The following NUP58 variants were observed in gnomAD, a reference collection of about 807,000 sequenced individuals.
The protein encoded by NUP58 is nucleoporin 58.
A neutral mutation model predicts 70.1 loss-of-function variants in NUP58; 17 were observed. The ratio of observed to expected loss-of-function variants is 0.24; its 90% CI spans 0.17 to 0.36. NUP58 has a LOEUF of 0.36. Among genes scored for constraint, NUP58 ranks in the 10% least tolerant of loss-of-function variants. NUP58 has a pLI of 1.00. For synonymous variants in NUP58, 275 were observed against 257.6 expected (o/e 1.07, Z -0.65); for missense variants, 644 against 701.5 (o/e 0.92, Z 0.93).
downstream of NUP58, among the ~76,000 whole-genome samples, chr13:25,345,785 G>A (rs2032042111): frequency 6.6e-6 from 1 of 151,254 alleles, no homozygotes; most frequent in Non-Finnish European, 1.5e-5. Context: ...AAGCTCAAGA[G>A]AACCAGGGAG....
At position 25,327,833 on chromosome 13, in the gene NUP58, A is replaced by G. The variant is rs76456412; in HGVS notation, c.1233+321A>G. 7.1e-3 allele frequency among the ~76,000 whole-genome samples: 1,079 copies of G among 152,236 alleles called. 17 individuals are homozygous for G. Among genetic ancestry groups the G allele is most frequent in the African/African-American group, 0.024 (981 of 41,526 alleles). ...ATAGGAGTTTGTTGTATGGTTGTAC[A>G]TTGTTTAACCCATTTTCTGTTGGAT... is the stretch of plus-strand genomic sequence containing the variant. On this transcript the variant is annotated intron_variant, in intron 12 of 15. Coordinates refer to ENST00000381736, the MANE Select transcript of NUP58 (RefSeq NM_014089.4).
chr13:25,319,309 C>G lies in NUP58; in HGVS notation c.686-17C>G, dbSNP rs1339133446. 3 of 1,611,106 alleles carry G rather than the reference C, an allele frequency of 1.9e-6. No individual in the cohort carries two copies. Among genetic ancestry groups the G allele is most frequent in the Non-Finnish European group, 8.5e-7 (1 of 1,177,832 alleles). On this transcript the variant is annotated splice_polypyrimidine_tract_variant and intron_variant, in intron 6 of 15. Transcript: ENST00000381736. ...AATTACCAATTTTTTTTACGTGAAG[C>G]TTCTTGAATTTTCTAGGTGATAAAA...
intron 15 of NUP58, 40 bp downstream of exon 15, chr13:25,338,771 G>T: frequency 1.3e-6 from 2 of 1,504,182 alleles, no homozygotes; most frequent in Non-Finnish European, 1.8e-6. Context: ...AAATTTAAAG[G>T]TGTAAATTAT....
At chr13:25,303,296 C>T (rs1361592298) in intron 1 of NUP58, 16 of 359,192 alleles carry the variant, frequency 4.5e-5, no homozygotes, top group East Asian at 7.3e-5. Flanking sequence ...TCATCTTGAG[C>T]GGGACTCATC....
intron 6 of NUP58, among the ~76,000 whole-genome samples, chr13:25,319,027 A>G (rs1405693615): frequency 6.6e-6 from 1 of 152,156 alleles, no homozygotes; most frequent in Non-Finnish European, 1.5e-5. Flanking sequence ...ATGTGTACAG[A>G]TGTCTTCATA....
intron 9 of NUP58, among the ~76,000 whole-genome samples, chr13:25,324,379 T>G (rs1396267204): frequency 6.6e-6 from 1 of 152,156 alleles, no homozygotes; most frequent in Non-Finnish European, 1.5e-5. Context: ...TGAAAAAACA[T>G]TGGCTGGAAT....
chr13:25,346,376 C>T (rs544044739), downstream of NUP58, among the ~76,000 whole-genome samples: 5 of 152,166 alleles, frequency 3.3e-5, no homozygotes, highest in South Asian at 1.0e-3. Flanking sequence ...TCTATGTAGG[C>T]TTTTAACTTT....
Position 25,342,336 on chromosome 13 carries a change from T to C in NUP58, c.*2202T>C, listed in dbSNP as rs2031982436. On this transcript the variant is annotated 3_prime_UTR_variant, in exon 16 of 16. Transcript: ENST00000381736. ...GATTAATTTGTTATAGGAGTTTAAA[T>C]GTGTTGTCATTGTCTCCATTGTCTT... 1 of 152,648 alleles carries C rather than the reference T, an allele frequency of 6.6e-6. No individual in the cohort carries two copies. The highest frequency in any genetic ancestry group is 1.9e-4 in the East Asian group (1 of 5,196). 9.5% of individuals were successfully genotyped at this position (152,648 alleles called of 1,614,324 possible).
intron 7 of NUP58, 75 bp downstream of exon 7, chr13:25,319,425 A>C: frequency 7.3e-7 from 1 of 1,362,368 alleles, no homozygotes; most frequent in African/African-American, 1.4e-5. Context: ...AGATGGTATA[A>C]TTGAAAGTAA....
At chr13:25,318,333 T>C (rs936035054) in intron 6 of NUP58, among the ~76,000 whole-genome samples, 13 of 149,522 alleles carry the variant, frequency 8.7e-5, no homozygotes, top group Non-Finnish European at 1.8e-4. Context: ...GTCTCAGAAA[T>C]AAAAAAAAAA....
intron 9 of NUP58, among the ~76,000 whole-genome samples, chr13:25,323,457 TAAAG>T (rs1295058464): frequency 6.6e-6 from 1 of 152,106 alleles, no homozygotes; most frequent in African/African-American, 2.4e-5. Flanking sequence ...TAAACATTTT[TAAAG>T]AAATTTGATC....
chr13:25,336,407 C>G lies in NUP58; in HGVS notation c.1436-529C>G, dbSNP rs913059220. 8 of 676,590 alleles carry G rather than the reference C, an allele frequency of 1.2e-5. No homozygotes were observed. The African/African-American group carries it at 1.6e-4, about 13-fold the overall frequency. The allele number at this position is 676,590 out of a possible 1,614,324, so 41.9% of individuals were successfully genotyped here. ...TTTATATTTCATATGAGAAATCATG[C>G]CTAGTTTTTTGGGTACTTACTCTTA... On this transcript the variant is annotated intron_variant, in intron 13 of 15. Transcript: ENST00000381736.
intron 3 of NUP58, 22 bp from the exon 4 acceptor site, chr13:25,312,861 A>G (rs1219716704): frequency 6.4e-7 from 1 of 1,561,836 alleles, no homozygotes; most frequent in Non-Finnish European, 8.7e-7. Flanking sequence ...TTGTTTGTTT[A>G]TTCATTTATT....
At chr13:25,343,761 C>A (rs1278898527), downstream of NUP58, among the ~76,000 whole-genome samples, 1 of 149,940 alleles carries the variant, frequency 6.7e-6, no homozygotes, top group Non-Finnish European at 1.5e-5. Flanking sequence ...CCAGCCAATT[C>A]ATCCATTCCT....
intron 3 of NUP58, among the ~76,000 whole-genome samples, chr13:25,312,347 A>T (rs1176194806): frequency 6.6e-6 from 1 of 152,046 alleles, no homozygotes; most frequent in African/African-American, 2.4e-5. Flanking sequence ...TTGATATGTT[A>T]CATCGATTGG....
chr13:25,307,211 A>ATTTTTTTTTTTTTTT (rs72132780), intron 1 of NUP58, among the ~76,000 whole-genome samples: 2 of 98,592 alleles, frequency 2.0e-5, no homozygotes, highest in South Asian at 3.7e-4. Context: ...CTGGTATTGT[A>ATTTTTTTTTTTTTTT]TTTTTTTTTT....
Position 25,307,896 on chromosome 13 carries a change from G to T in NUP58, c.198G>T (p.Gly66=), listed in dbSNP as rs750389703. The T allele has an allele frequency of 6.2e-7, 1 of 1,613,978 alleles. No homozygotes were observed. The highest frequency in any genetic ancestry group is 8.5e-7 in the Non-Finnish European group (1 of 1,180,014). The change falls in exon 2 of 16, where the codon GGG becomes GGT. Residue 66 remains glycine (G), a synonymous_variant. Coordinates refer to ENST00000381736, the MANE Select transcript of NUP58 (RefSeq NM_014089.4). ...CTCCTTCAAGTGGTTTTGGAACCGG[G>T]CTCTTTGGATCTAAACCTGCCACTG... The part of the protein sequence containing the change: ...TSAPSSGFGT[G]LFGSKPATGF...
At chr13:25,346,216 C>T (rs984897888), downstream of NUP58, among the ~76,000 whole-genome samples, 4 of 152,254 alleles carry the variant, frequency 2.6e-5, no homozygotes, top group Middle Eastern at 3.4e-3. Context: ...AGCTGCCATA[C>T]GTTAACTCAT....
intron 9 of NUP58, 108 bp downstream of exon 9, chr13:25,321,201 A>G (rs1369497777): frequency 1.5e-5 from 14 of 905,914 alleles, no homozygotes; most frequent in Non-Finnish European, 2.2e-5. Context: ...AATTTGATAC[A>G]TGCATACCGG....
Sources: allele counts gnomAD v4.1 joint callset (sites outside exome capture counted in the v4.1 genomes callset), GRCh38; gene constraint gnomAD v4.1.1; transcripts MANE v1.5; gene names NCBI Gene and HGNC (gene_info 2026-07-23, HGNC 2026-07-21).